Variants in TRPA1 observed in about 807,000 individuals in gnomAD.
TRPA1 encodes the protein ankyrin-like with transmembrane domains 1.
In TRPA1, 129 loss-of-function variants were observed where a neutral mutation model predicts 131.3. The observed-to-expected ratio is 0.98, with a 90% CI of 0.85 to 1.14. The LOEUF (loss-of-function observed/expected upper bound fraction) is 1.14, where lower values mean the gene tolerates loss of function less well. TRPA1 is among the 50% of genes most tolerant of loss of function. The pLI is 0.00. For missense variants in TRPA1, 1,304 were observed against 1,354.2 expected (o/e 0.96, Z 0.58); for synonymous variants, 441 against 451.7 (o/e 0.98, Z 0.30).
intron 6 of TRPA1, 113 bp from the exon 7 acceptor site, chr8:72,061,874 C>A: frequency 8.9e-7 from 1 of 1,119,190 alleles, no homozygotes; most frequent in Non-Finnish European, 1.3e-6. Context: ...GAATATCTAT[C>A]AGGCTGATCA....
chr8:72,053,797 G>C lies in TRPA1; in HGVS notation c.1600C>G (p.Leu534Val). 6.2e-7 allele frequency: 1 copy of C among 1,612,656 alleles called. No individual in the cohort carries two copies. The highest frequency in any genetic ancestry group is 8.5e-7 in the Non-Finnish European group (1 of 1,179,866). The change falls in exon 13 of 27, where the codon CTT (leucine) becomes GTT (valine). Residue 534 changes from leucine to valine, a missense_variant. Leu to Val is a conservative substitution (Grantham distance 32, BLOSUM62 1). Coordinates refer to ENST00000262209, the MANE Select transcript of TRPA1 (RefSeq NM_007332.3). ...TCTGTGCACTTCAAATTAGTATCAA[G>C]AATGACCTTCATGGTCTGAGTGTAC... Reference protein sequence around the residue: ...GGYTQTMKVILDTNLKCTDRL... With the variant: ...GGYTQTMKVIVDTNLKCTDRL...
chr8:72,026,070 C>A lies in TRPA1; in HGVS notation c.2941G>T (p.Glu981Ter). The change falls in exon 25 of 27, where the codon GAA becomes TAA. Residue 981 changes from glutamate to a stop codon, truncating the protein, a stop_gained. Coordinates refer to ENST00000262209, the MANE Select transcript of TRPA1 (RefSeq NM_007332.3). LOFTEE classifies it high-confidence loss of function. The part of the protein sequence containing the change: ...ASLKRIAMQV[E>*]LHTSLEKKLP... The stretch of plus-strand genomic sequence containing the variant: ...TTCTTCTCTAAGCTGGTATGAAGTT[C>A]CACCTAAAGTGCATTTTGGATTTAT... 6.2e-7 allele frequency: 1 copy of A among 1,612,966 alleles called. No homozygotes were observed. The highest frequency in any genetic ancestry group is 1.1e-5 in the South Asian group (1 of 91,038).
rs1222441368 is a variant in TRPA1 at position 72,029,949 on chromosome 8, G to A, written c.2889C>T (p.Asp963=). 2 of 1,613,930 alleles carry A rather than the reference G, an allele frequency of 1.2e-6. No individual in the cohort carries two copies. The highest frequency in any genetic ancestry group is 2.2e-5 in the East Asian group (1 of 44,880). Residue 963 remains aspartate (D), a synonymous_variant, in exon 24 of 27, where the codon GAC becomes GAT. Coordinates refer to ENST00000262209, the MANE Select transcript of TRPA1 (RefSeq NM_007332.3). ...MNLLIGLAVG[D]IAEVQKHASL... is the part of the protein sequence containing the mutation. Reference sequence around the variant, plus strand: ...ATGCATGTTTCTGGACCTCAGCAATGTCGCCAACTGCCAAACCAATCTGAA... The same window carrying A: ...ATGCATGTTTCTGGACCTCAGCAATATCGCCAACTGCCAAACCAATCTGAA...
At chr8:72,043,319 T>TC (rs1356708407) in intron 17 of TRPA1, among the ~76,000 whole-genome samples, 1 of 151,896 alleles carries the variant, frequency 6.6e-6, no homozygotes, top group Non-Finnish European at 1.5e-5. Context: ...ACGTTTTTAC[T>TC]CAAATTATGT....
At chr8:72,059,276 C>T (rs1805749675) in intron 8 of TRPA1, 114 bp downstream of exon 8, 1 of 719,326 alleles carries the variant, frequency 1.4e-6, no homozygotes, top group Non-Finnish European at 2.3e-6. Flanking sequence ...ATACTTTTTG[C>T]TGATAAGCAA....
intron 17 of TRPA1, among the ~76,000 whole-genome samples, chr8:72,042,930 TAATAA>T (rs2129434327): frequency 6.6e-6 from 1 of 151,896 alleles, no homozygotes; most frequent in East Asian, 1.9e-4. Context: ...AGTTACTGTT[TAATAA>T]GTATAGAGTT....
intron 8 of TRPA1, among the ~76,000 whole-genome samples, 182 bp downstream of exon 8, chr8:72,059,208 C>T (rs969722150): frequency 6.6e-6 from 1 of 152,206 alleles, no homozygotes; most frequent in African/African-American, 2.4e-5. Context: ...AATAGTTTGG[C>T]TGTTACGTAT....
intron 3 of TRPA1, among the ~76,000 whole-genome samples, chr8:72,067,489 T>A (rs1805959572): frequency 2.0e-5 from 3 of 152,172 alleles, no homozygotes; most frequent in Admixed American, 6.5e-5. Flanking sequence ...AGTTGGGAGC[T>A]TTATTTTCCA....
Position 72,036,421 on chromosome 8 carries a change from C to G in TRPA1, c.2422G>C (p.Glu808Gln), listed in dbSNP as rs1261097566. ...ATGCCCGTCGTGTAGATAATCCATT[C>G]AAGAACATTGCTTATATCCATAAAA... ...NYFMDISNVL[E>Q]WIIYTTGIIF... Residue 808 changes from glutamate to glutamine, a missense_variant, in exon 21 of 27, where the codon GAA becomes CAA. Glu to Gln is a conservative substitution (Grantham distance 29). Transcript: ENST00000262209. 6.2e-7 allele frequency: 1 copy of G among 1,613,824 alleles called. No individual in the cohort carries two copies. The highest frequency in any genetic ancestry group is 1.1e-5 in the South Asian group (1 of 91,044).
At chr8:72,060,370 A>G (rs1309734528) in intron 7 of TRPA1, 6 of 152,060 alleles carry the variant, frequency 3.9e-5, no homozygotes, top group Non-Finnish European at 8.8e-5. Flanking sequence ...TAGGTTATAA[A>G]TTGGCACTGG....
At chr8:72,042,049 G>A (rs1394802713) in intron 17 of TRPA1, among the ~76,000 whole-genome samples, 1 of 151,808 alleles carries the variant, frequency 6.6e-6, no homozygotes, top group Non-Finnish European at 1.5e-5. Context: ...AGACAAACAG[G>A]ACTATATAAA....
intron 1 of TRPA1, among the ~76,000 whole-genome samples, chr8:72,073,251 A>AT: frequency 6.6e-6 from 1 of 152,392 alleles, no homozygotes; most frequent in East Asian, 1.9e-4. Flanking sequence ...AAGGTGAGAG[A>AT]TAAAAAATAG....
At position 72,022,800 on chromosome 8, in the gene TRPA1, G is replaced by T. The variant is rs140033870; in HGVS notation, c.*106C>A. 2 of 1,033,984 alleles carry T rather than the reference G, an allele frequency of 1.9e-6. No homozygotes were observed. Among genetic ancestry groups the T allele is most frequent in the Non-Finnish European group, 3.0e-6 (2 of 675,222 alleles). 64.1% of individuals were successfully genotyped at this position (1,033,984 alleles called of 1,614,324 possible). ...GCATGCAGGAACCATGATTTCACAC[G>T]CAGCAAAATGAATCATTCTGCTTCT... On this transcript the variant is annotated 3_prime_UTR_variant, in exon 27 of 27. Coordinates refer to ENST00000262209, the MANE Select transcript of TRPA1 (RefSeq NM_007332.3).
Position 72,071,716 on chromosome 8 carries a change from A to G in TRPA1, c.263T>C (p.Leu88Ser). Reference sequence around the variant, plus strand: ...GAATTGTAATATTTTGTTACCTTCCAAAGAGGAATCTCTGGTGATCTTCTC... The same window carrying G: ...GAATTGTAATATTTTGTTACCTTCCGAAGAGGAATCTCTGGTGATCTTCTC... Reference protein sequence around the residue: ...LMEKITRDSSLEVLHEMDDYG... With the variant: ...LMEKITRDSSSEVLHEMDDYG... The change falls in exon 2 of 27, where the codon TTG becomes TCG. Residue 88 changes from leucine to serine, a missense_variant. By Grantham distance (145) the Leu-to-Ser change is moderately radical. Transcript: ENST00000262209. 6.2e-7 allele frequency: 1 copy of G among 1,613,756 alleles called. No homozygotes were observed.
chr8:72,042,673 A>G (rs1368951312), intron 17 of TRPA1, among the ~76,000 whole-genome samples: 2 of 151,932 alleles, frequency 1.3e-5, no homozygotes, highest in African/African-American at 4.8e-5. Context: ...TCTTCAACAG[A>G]CAAACAGATA....
Position 72,022,859 on chromosome 8 carries a change from G to T in TRPA1, c.*47C>A, listed in dbSNP as rs755370162. 7.1e-6 allele frequency: 11 copies of T among 1,543,180 alleles called. No homozygotes were observed. The Admixed American group carries it at 1.8e-4, about 26-fold the overall frequency. ...CTTTTTAAATTGAAAGTTAGAACCAGCAAGTCATGCACCCCCCATTAGAAG... is the reference window on the plus strand; with the variant it reads ...CTTTTTAAATTGAAAGTTAGAACCATCAAGTCATGCACCCCCCATTAGAAG... On this transcript the variant is annotated 3_prime_UTR_variant, in exon 27 of 27. Transcript: ENST00000262209.
the TRPA1 span, among the ~76,000 whole-genome samples, chr8:72,083,099 T>G: frequency 6.6e-6 from 1 of 152,250 alleles, no homozygotes; most frequent in Non-Finnish European, 1.5e-5. Flanking sequence ...TCATTTATAT[T>G]ATTGTCTTTT....
intron 3 of TRPA1, among the ~76,000 whole-genome samples, chr8:72,066,792 T>C (rs1254873602): frequency 6.6e-6 from 1 of 152,136 alleles, no homozygotes; most frequent in Admixed American, 6.6e-5. Context: ...ATCATAAAGG[T>C]ATAGCTGTGT....
chr8:72,029,670 G>C (rs1811736387), intron 24 of TRPA1: 1 of 629,540 alleles, frequency 1.6e-6, no homozygotes, highest in South Asian at 1.9e-5. Context: ...TCTGTTCTGG[G>C]CTAGCAGTAT....
Sources: gnomAD v4.1 joint callset for allele counts (sites outside exome capture counted in the v4.1 genomes callset) on GRCh38, gnomAD v4.1.1 for gene constraint, MANE v1.5 for transcripts, NCBI Gene and HGNC (gene_info 2026-07-23, HGNC 2026-07-21) for gene names.